Variants in OTOF observed in about 807,000 individuals in gnomAD.
OTOF encodes the protein otoferlin.
Under a neutral mutation model 236.8 loss-of-function variants are expected in OTOF, and 218 were observed. That is an observed-to-expected ratio of 0.92 (90% confidence interval 0.82 to 1.03). OTOF has a LOEUF of 1.03. OTOF is among the 50% of genes least tolerant of loss of function. The probability of loss-of-function intolerance (pLI) is 0.00; values close to 1 mark genes in which losing one functional copy is unlikely to be tolerated. For missense variants in OTOF, 2,590 were observed against 2,694.4 expected (o/e 0.96, Z 0.86); for synonymous variants, 1,041 against 1,072.5 (o/e 0.97, Z 0.57).
intron 6 of OTOF, among the ~76,000 whole-genome samples, chr2:26,502,834 C>T (rs1666149816): frequency 6.6e-6 from 1 of 152,186 alleles, no homozygotes. Flanking sequence ...AGAGCTGTGC[C>T]CTGCCAAGAT....
At chr2:26,464,805 GC>G in intron 39 of OTOF, 63 bp downstream of exon 39, 1 of 1,491,168 alleles carries the variant, frequency 6.7e-7, no homozygotes, top group East Asian at 2.3e-5. Flanking sequence ...GGAAGTGTGG[GC>G]CCCTCCTGGC....
chr2:26,491,663 A>T (rs938995359), intron 9 of OTOF, among the ~76,000 whole-genome samples: 5 of 152,184 alleles, frequency 3.3e-5, no homozygotes, highest in African/African-American at 9.7e-5. Flanking sequence ...CAAGATGCCC[A>T]GGGCGGGGCC....
At position 26,479,522 on chromosome 2, in the gene OTOF, GGTCCCCGGCATCACC is replaced by G. The variant is rs1665463915; in HGVS notation, c.2029_2043del (p.Gly677_Asp681del). 11 of 1,606,098 alleles carry G rather than the reference GGTCCCCGGCATCACC, an allele frequency of 6.8e-6. No individual in the cohort carries two copies. Among genetic ancestry groups the G allele is most frequent in the Non-Finnish European group, 9.3e-6 (11 of 1,177,170 alleles). On this transcript the variant is annotated inframe_deletion, in exon 17 of 47. Transcript: ENST00000272371. ...GGTGGAGTGGAGGAGACTGAGGCCA[GGTCCCCGGCATCACC>G]GGCCTCGTCATCACTTGCGTTCTGA... is the stretch of plus-strand genomic sequence containing the variant.
chr2:26,557,282 G>C (rs1024284246), intron 1 of OTOF, among the ~76,000 whole-genome samples: 4 of 152,170 alleles, frequency 2.6e-5, no homozygotes, highest in African/African-American at 7.2e-5. Context: ...GTATAGGGGG[G>C]TCCTCTCTGC....
In OTOF at chr2:26,484,638, A is replaced by G; in HGVS notation, c.1046-5T>C. 1 of 1,613,582 alleles carries G rather than the reference A, an allele frequency of 6.2e-7. No homozygotes were observed. On this transcript the variant is annotated splice_region_variant and splice_polypyrimidine_tract_variant and intron_variant, in intron 11 of 46. Transcript: ENST00000272371. ...ACTTGTGATGGAACTGGTGCTCTGC[A>G]ATGATGAGGGGTGGGCACTGCACCA...
At chr2:26,493,033 G>A (rs1021403008) in intron 9 of OTOF, among the ~76,000 whole-genome samples, 3 of 152,200 alleles carry the variant, frequency 2.0e-5, no homozygotes, top group African/African-American at 4.8e-5. Context: ...GGGCCACAGG[G>A]ACCTGTCTCC....
chr2:26,538,254 T>C (rs939641475), intron 1 of OTOF, among the ~76,000 whole-genome samples: 3 of 152,226 alleles, frequency 2.0e-5, no homozygotes, highest in Admixed American at 6.5e-5. Flanking sequence ...CCCCAGGGGT[T>C]CCTGCCCAAA....
Position 26,516,523 on chromosome 2 carries a change from C to G in OTOF, c.404G>C (p.Gly135Ala), listed in dbSNP as rs1666529950. ...CTCTTCCTCTTGAAGAGACTCATCT[C>G]CCAGGAAGTCCCCATCGTCCCAGGA... ...VGSWDDGDFL[G>A]DESLQEEEKD... The change falls in exon 5 of 47, where the codon GGA (glycine) becomes GCA (alanine). Residue 135 changes from glycine (G) to alanine (A), a missense_variant. By Grantham distance (60) the Gly-to-Ala change is moderately conservative. Transcript: ENST00000272371. 1.9e-6 allele frequency: 3 copies of G among 1,613,238 alleles called. No individual in the cohort carries two copies. The highest frequency in any genetic ancestry group is 2.5e-6 in the Non-Finnish European group (3 of 1,180,000).
chr2:26,509,457 G>T (rs1666329769), intron 5 of OTOF, among the ~76,000 whole-genome samples: 1 of 152,196 alleles, frequency 6.6e-6, no homozygotes, highest in Non-Finnish European at 1.5e-5. Context: ...TCACTACAGA[G>T]TTAACACTGC....
intron 3 of OTOF, among the ~76,000 whole-genome samples, chr2:26,524,166 G>A (rs759514577): frequency 6.6e-6 from 1 of 152,234 alleles, no homozygotes; most frequent in Non-Finnish European, 1.5e-5. Flanking sequence ...GGAGAGTTAG[G>A]ATAGGAACTA....
Position 26,482,646 on chromosome 2 carries a change from C to CGTGTGTGTGAGTGGGTGCAT in OTOF, c.1393-55_1393-54insATGCACCCACTCACACACAC, listed in dbSNP as rs1553354220. 2,124 of 1,490,636 alleles carry CGTGTGTGTGAGTGGGTGCAT rather than the reference C, an allele frequency of 1.4e-3. 22 individuals carry two copies. The African/African-American group carries it at 0.024, about 17-fold the overall frequency. The allele number at this position is 1,490,636 out of a possible 1,614,324, so 92.3% of individuals were successfully genotyped here. ...CGTGGCATGTGTGTGTGAGTGGGTG[C>CGTGTGTGTGAGTGGGTGCAT]ATGTGTGTGTGTGTGAGTGGGCGCA... is the stretch of plus-strand genomic sequence containing the variant. On this transcript the variant is annotated intron_variant, in intron 13 of 46. Transcript: ENST00000272371.
chr2:26,463,409 G>A, intron 41 of OTOF, 74 bp downstream of exon 41: 1 of 1,270,330 alleles, frequency 7.9e-7, no homozygotes, highest in Admixed American at 2.0e-5. Context: ...GCCCCCCGCA[G>A]GAAGGGTTGG....
intron 1 of OTOF, among the ~76,000 whole-genome samples, chr2:26,556,348 G>T (rs545779482): frequency 3.9e-5 from 6 of 152,252 alleles, no homozygotes; most frequent in Non-Finnish European, 7.4e-5. Flanking sequence ...GGTCTTTTGG[G>T]GCGCCTACAA....
chr2:26,509,476 T>C (rs1666330609), intron 5 of OTOF, among the ~76,000 whole-genome samples: 1 of 152,210 alleles, frequency 6.6e-6, no homozygotes, highest in Non-Finnish European at 1.5e-5. Context: ...GCATCATCAT[T>C]GCTTTTGCTT....
Position 26,461,948 on chromosome 2 carries a change from C to T in OTOF, c.5292-11G>A. The T allele has an allele frequency of 6.2e-7, 1 of 1,614,046 alleles. No homozygotes were observed. The highest frequency in any genetic ancestry group is 8.5e-7 in the Non-Finnish European group (1 of 1,180,000). Reference sequence around the variant, plus strand: ...TGGCCCTTCAGCCACCTGTGGGCGCCACATCTCCAGACCCGCAGCCAGGCT... The same window carrying T: ...TGGCCCTTCAGCCACCTGTGGGCGCTACATCTCCAGACCCGCAGCCAGGCT... On this transcript the variant is annotated splice_polypyrimidine_tract_variant and intron_variant, in intron 42 of 46. Transcript: ENST00000272371. The surrounding 1 kb of genome is among the most constrained non-coding windows in gnomAD (Gnocchi z 6.2).
At chr2:26,469,062 A>G (rs531479723) in intron 32 of OTOF, among the ~76,000 whole-genome samples, 4 of 152,100 alleles carry the variant, frequency 2.6e-5, no homozygotes, top group African/African-American at 7.3e-5. Context: ...TTAAAAAAAA[A>G]AGAAATAACA....
rs749788772 is a variant in OTOF at position 26,516,460 on chromosome 2, G to T, written c.467C>A (p.Ser156Tyr). The change falls in exon 5 of 47, where the codon TCC (serine) becomes TAC (tyrosine). Residue 156 changes from serine to tyrosine, a missense_variant. By Grantham distance (144) the Ser-to-Tyr change is moderately radical (BLOSUM62 -2). Transcript: ENST00000272371. ...TCCTGGGGGCCGGGAGCTGGGCCGG[G>T]AGCCTGGGAGCAGTCCATCCGTCTC... is the stretch of plus-strand genomic sequence containing the variant. ...SQETDGLLPG[S>Y]RPSSRPPGEK... 3 of 1,613,962 alleles carry T rather than the reference G, an allele frequency of 1.9e-6. No individual in the cohort carries two copies. In the East Asian group the frequency reaches 6.7e-5, roughly 36 times the overall value.
At chr2:26,466,336 C>A in intron 36 of OTOF, 1 of 556,896 alleles carries the variant, frequency 1.8e-6, no homozygotes, top group Non-Finnish European at 3.2e-6. Flanking sequence ...GCAGCTTCTT[C>A]TTCTTTTTTT....
At chr2:26,499,193 A>C (rs1347407084) in intron 8 of OTOF, among the ~76,000 whole-genome samples, 1 of 152,266 alleles carries the variant, frequency 6.6e-6, no homozygotes, top group Non-Finnish European at 1.5e-5. Context: ...GCACATTCAC[A>C]GGGGGGTGAC....
Sources: gnomAD v4.1 joint callset for allele counts (sites outside exome capture counted in the v4.1 genomes callset) on GRCh38, gnomAD v4.1.1 for gene constraint, Gnocchi (gnomAD v3.1) non-coding constraint, MANE v1.5 for transcripts, NCBI Gene and HGNC (gene_info 2026-07-23, HGNC 2026-07-21) for gene names.